Variants in NTNG2 observed in about 807,000 individuals in gnomAD.
NTNG2 encodes netrin G2.
NTNG2 carries 15 observed loss-of-function variants against 47.6 expected under a neutral mutation model. The observed-to-expected ratio is 0.32, with a 90% CI of 0.21 to 0.49. NTNG2 has a LOEUF of 0.49. Ranked by LOEUF, NTNG2 falls within the 20% of genes least tolerant of loss-of-function variation. The pLI is 0.99. For synonymous variants in NTNG2, 307 were observed against 324.6 expected, an observed-to-expected ratio of 0.95 and a Z score of 0.58; for missense variants, 578 against 764.6, an observed-to-expected ratio of 0.76 and a Z score of 2.88.
rs1017520852 is a variant in NTNG2 at position 132,231,359 on chromosome 9, C to G, written c.1054+764C>G. 2.2e-6 allele frequency: 1 copy of G among 455,986 alleles called. No individual in the cohort carries two copies. The highest frequency in any genetic ancestry group is 3.3e-4 in the Middle Eastern group (1 of 3,066). The allele number at this position is 455,986 out of a possible 1,614,324, so 28.2% of individuals were successfully genotyped here. ...TGCGAGGCAGCAGGAGAGGACTGGCCAATGTCAAAGAGCCAGCCGGGAGCA... is the reference window on the plus strand; with the variant it reads ...TGCGAGGCAGCAGGAGAGGACTGGCGAATGTCAAAGAGCCAGCCGGGAGCA... On this transcript the variant is annotated intron_variant, in intron 5 of 7. Coordinates refer to ENST00000393229, the MANE Select transcript of NTNG2 (RefSeq NM_032536.4). The surrounding 1 kb of genome is among the most constrained non-coding windows in gnomAD (Gnocchi z 4.1).
At chr9:132,240,786 C>T in intron 6 of NTNG2, 124 bp from the exon 7 acceptor site, 2 of 1,450,054 alleles carry the variant, frequency 1.4e-6, no homozygotes, top group Non-Finnish European at 1.9e-6. Context: ...TCACGTGGAC[C>T]CAGTGTGGGG....
intron 2 of NTNG2, among the ~76,000 whole-genome samples, chr9:132,191,178 A>G (rs762834902): frequency 6.6e-6 from 1 of 152,058 alleles, no homozygotes; most frequent in Non-Finnish European, 1.5e-5. Context: ...CACTCAGTGA[A>G]TGTTACAATC....
In NTNG2 at chr9:132,172,479, T is replaced by G. The variant is rs148959984; in HGVS notation, c.213+5435T>G. Among the ~76,000 whole-genome samples, 288 of 152,336 alleles carry G rather than the reference T, an allele frequency of 1.9e-3. 2 individuals carry two copies. Among genetic ancestry groups the G allele is most frequent in the African/African-American group, 6.5e-3 (270 of 41,560 alleles). On this transcript the variant is annotated intron_variant, in intron 2 of 7. Transcript: ENST00000393229. Reference sequence around the variant, plus strand: ...AGGAGACTGTCATGAGCACGGTGCTTGGCACATAGTAGTTGCTCACTGCGT... The same window carrying G: ...AGGAGACTGTCATGAGCACGGTGCTGGGCACATAGTAGTTGCTCACTGCGT...
rs889042009 is a variant in NTNG2 at position 132,162,446 on chromosome 9, G to A, written c.-484+207G>A. Among the ~76,000 whole-genome samples the A allele has an allele frequency of 6.6e-6, 1 of 152,168 alleles. No homozygotes were observed. Among genetic ancestry groups the A allele is most frequent in the African/African-American group, 2.4e-5 (1 of 41,446 alleles). On this transcript the variant is annotated intron_variant, in intron 1 of 7. Transcript: ENST00000393229. This position sits in a 1 kb window ranked among gnomAD's most constrained non-coding sequence, Gnocchi z 4.6. Reference sequence around the variant, plus strand: ...AGAACTGGAGTCGCCCCAGAGGGGTGTGTGAGGGTGCGTTCTTAGCAGCAT... The same window carrying A: ...AGAACTGGAGTCGCCCCAGAGGGGTATGTGAGGGTGCGTTCTTAGCAGCAT...
chr9:132,206,820 G>A (rs571532750), intron 3 of NTNG2, among the ~76,000 whole-genome samples: 9 of 152,374 alleles, frequency 5.9e-5, no homozygotes, highest in South Asian at 4.1e-4. Flanking sequence ...GGGCATGCAC[G>A]ATTCCAGACC....
At chr9:132,187,237 G>A (rs545631985) in intron 2 of NTNG2, among the ~76,000 whole-genome samples, 8 of 152,370 alleles carry the variant, frequency 5.3e-5, no homozygotes, top group African/African-American at 1.2e-4. Flanking sequence ...GGGAGGCAGC[G>A]CTTGGAGGCT....
chr9:132,232,941 T>G (rs1042804013), intron 5 of NTNG2: 1 of 152,358 alleles, frequency 6.6e-6, no homozygotes, highest in South Asian at 2.1e-4. Context: ...TCCTAGGCCA[T>G]CCAGAGCAGC....
chr9:132,174,520 A>C (rs1836259505), intron 2 of NTNG2, among the ~76,000 whole-genome samples: 1 of 152,198 alleles, frequency 6.6e-6, no homozygotes, highest in South Asian at 2.1e-4. Flanking sequence ...TGGTTTTCTC[A>C]TCTGAAACTG....
chr9:132,171,827 G>A (rs1407952793), intron 2 of NTNG2, among the ~76,000 whole-genome samples: 6 of 152,200 alleles, frequency 3.9e-5, no homozygotes, highest in Non-Finnish European at 7.4e-5. Context: ...AGAGCTGACC[G>A]GCCCGATGGC....
Position 132,240,917 on chromosome 9 carries a change from C to A in NTNG2, c.1230C>A (p.Asn410Lys), listed in dbSNP as rs1841937318. ...GTGCCCGTGTCCGTCCAGAGTGTAA[C>A]TGCAACCAGATAGGCTCCGTGCACG... ...LDDENVCIEC[N>K]CNQIGSVHDR... Residue 410 changes from asparagine (N) to lysine (K), a missense_variant, in exon 7 of 8, where the codon AAC becomes AAA. By Grantham distance (94) the Asn-to-Lys change is moderately conservative (BLOSUM62 0). Coordinates refer to ENST00000393229, the MANE Select transcript of NTNG2 (RefSeq NM_032536.4). 6.2e-7 allele frequency: 1 copy of A among 1,612,800 alleles called. No homozygotes were observed. Among genetic ancestry groups the A allele is most frequent in the African/African-American group, 1.3e-5 (1 of 74,926 alleles).
intron 2 of NTNG2, among the ~76,000 whole-genome samples, chr9:132,170,111 A>G (rs2131287712): frequency 6.6e-6 from 1 of 152,204 alleles, no homozygotes; most frequent in East Asian, 1.9e-4. Context: ...ACGGGAGCGC[A>G]AGCCCGGCTG....
chr9:132,200,864 T>C (rs1465027415), intron 3 of NTNG2, among the ~76,000 whole-genome samples: 1 of 152,236 alleles, frequency 6.6e-6, no homozygotes, highest in Non-Finnish European at 1.5e-5. Context: ...GTGGAACTGG[T>C]GTCCAGACTT....
intron 3 of NTNG2, among the ~76,000 whole-genome samples, chr9:132,223,089 G>A (rs941134156): frequency 2.0e-5 from 3 of 152,196 alleles, no homozygotes; most frequent in Non-Finnish European, 4.4e-5. Flanking sequence ...ACTCCAGCCT[G>A]GGTGACAGAG....
chr9:132,211,621 C>A (rs533385587), intron 3 of NTNG2, among the ~76,000 whole-genome samples: 1 of 152,158 alleles, frequency 6.6e-6, no homozygotes, highest in East Asian at 1.9e-4. Flanking sequence ...CCTAGCCCTC[C>A]CCAGCCTTCC....
chr9:132,210,806 C>T (rs529344742), intron 3 of NTNG2, among the ~76,000 whole-genome samples: 6 of 152,020 alleles, frequency 3.9e-5, no homozygotes, highest in Non-Finnish European at 7.4e-5. Context: ...GCAGAGGGAG[C>T]GTGGGGTGGG....
intron 2 of NTNG2, among the ~76,000 whole-genome samples, chr9:132,174,910 AGACTCT>A (rs1424233425): frequency 1.9e-5 from 1 of 53,520 alleles, no homozygotes; most frequent in South Asian, 4.6e-4. Context: ...CGACAGAGCA[AGACTCT>A]GTCTCAAAAA....
intron 3 of NTNG2, among the ~76,000 whole-genome samples, chr9:132,203,641 T>A (rs1838950890): frequency 6.6e-6 from 1 of 152,158 alleles, no homozygotes; most frequent in African/African-American, 2.4e-5. Flanking sequence ...CCAGGGCAGC[T>A]CACGAGCTGC....
chr9:132,198,023 C>G lies in NTNG2; in HGVS notation c.271C>G (p.Pro91Ala). ...CGCCTCCAACCCGGACCTGGCCCAC[C>G]CGCCCAGGCTCATGTTCGACAAGGA... is the stretch of plus-strand genomic sequence containing the variant. Reference protein sequence around the residue: ...CDASNPDLAHPPRLMFDKEEE... With the variant: ...CDASNPDLAHAPRLMFDKEEE... The change falls in exon 3 of 8, where the codon CCG becomes GCG. Residue 91 changes from proline to alanine, a missense_variant. Physicochemically the swap from Pro to Ala is conservative, Grantham distance 27. Coordinates refer to ENST00000393229, the MANE Select transcript of NTNG2 (RefSeq NM_032536.4). 1.2e-6 allele frequency: 2 copies of G among 1,613,636 alleles called. No homozygotes were observed. Among genetic ancestry groups the G allele is most frequent in the Non-Finnish European group, 1.7e-6 (2 of 1,180,006 alleles).
chr9:132,227,499 G>C (rs1275640078), intron 4 of NTNG2, among the ~76,000 whole-genome samples: 1 of 152,222 alleles, frequency 6.6e-6, no homozygotes, highest in Admixed American at 6.5e-5. Flanking sequence ...GAGGGGATCA[G>C]TAGCATCATC....
Sources: allele counts gnomAD v4.1 joint callset (sites outside exome capture counted in the v4.1 genomes callset), GRCh38; gene constraint gnomAD v4.1.1; non-coding constraint Gnocchi (gnomAD v3.1); transcripts MANE v1.5; gene names NCBI Gene and HGNC (gene_info 2026-07-23, HGNC 2026-07-21).